C12orf71: variants seen among roughly 807,000 people sequenced by gnomAD.
The protein encoded by C12orf71 is uncharacterized protein C12orf71.
A neutral mutation model predicts 11.7 loss-of-function variants in C12orf71; 10 were observed. That is an observed-to-expected ratio of 0.86 (90% CI 0.53 to 1.45). The LOEUF is 1.45. Ranked by LOEUF, C12orf71 falls within the 40% of genes most tolerant of loss-of-function variation. The pLI, the probability that C12orf71 is intolerant of heterozygous loss-of-function variation, is 0.00. For missense variants in C12orf71, 293 were observed against 325.8 expected (o/e 0.90, Z 0.78); for synonymous variants, 110 against 123.4 (o/e 0.89, Z 0.72).
chr12:27,084,077 C>A (rs1326344090), upstream of C12orf71, among the ~76,000 whole-genome samples: 1 of 152,170 alleles, frequency 6.6e-6, no homozygotes, highest in Non-Finnish European at 1.5e-5. Flanking sequence ...CACGAGAAAT[C>A]CTTCACATCC....
Position 27,081,977 on chromosome 12 carries a change from T to A in C12orf71, c.507A>T (p.Glu169Asp). Residue 169 changes from glutamate to aspartate, a missense_variant, in exon 1 of 2, where the codon GAA becomes GAT. Transcript: ENST00000429849. ...ATTCCTGATGACTGACCTGAACCAT[T>A]TCCGGAGGGGAGCCGCTGGATAGCT... is the stretch of plus-strand genomic sequence containing the variant. The part of the protein sequence containing the change: ...DFQLSSGSPP[E>D]MVQMISQATA... The A allele has an allele frequency of 1.9e-6, 3 of 1,580,448 alleles. No individual in the cohort carries two copies. The highest frequency in any genetic ancestry group is 2.6e-6 in the Non-Finnish European group (3 of 1,161,304).
At chr12:27,082,752 A>G (rs1941948276), upstream of C12orf71, among the ~76,000 whole-genome samples, 1 of 150,006 alleles carries the variant, frequency 6.7e-6, no homozygotes, top group Admixed American at 6.7e-5. Context: ...TAATTTTTGT[A>G]TTTTTAGTAG....
At chr12:27,083,329 T>C (rs192113893), upstream of C12orf71, among the ~76,000 whole-genome samples, 43 of 152,340 alleles carry the variant, frequency 2.8e-4, no homozygotes, top group Non-Finnish European at 5.3e-4. Context: ...TAATCCTCTC[T>C]ACTAAGCATC....
upstream of C12orf71, among the ~76,000 whole-genome samples, chr12:27,083,065 C>T (rs765755683): frequency 1.1e-4 from 17 of 152,014 alleles, no homozygotes; most frequent in African/African-American, 2.2e-4. Flanking sequence ...CTCAGCCTCC[C>T]GGGTAGCTAG....
At chr12:27,082,634 A>T, upstream of C12orf71, 2 of 573,930 alleles carry the variant, frequency 3.5e-6, no homozygotes, top group Non-Finnish European at 5.4e-6. Context: ...TTTTGAGACG[A>T]AGTCTCACTC....
Position 27,081,112 on chromosome 12 carries a change from G to T in C12orf71, c.*62C>A, listed in dbSNP as rs1941927810. 2 of 1,280,418 alleles carry T rather than the reference G, an allele frequency of 1.6e-6. No individual in the cohort carries two copies. Among genetic ancestry groups the T allele is most frequent in the Admixed American group, 2.3e-5 (1 of 43,948 alleles). 79.3% of individuals were successfully genotyped at this position (1,280,418 alleles called of 1,614,324 possible). ...ATTGAGGAAAAAACAAACTGATGGG[G>T]ATTATTAATGGAATCCTTATTATGG... On this transcript the variant is annotated 3_prime_UTR_variant, in exon 2 of 2. Coordinates refer to ENST00000429849, the MANE Select transcript of C12orf71 (RefSeq NM_001080406.2).
chr12:27,082,960 A>T (rs1303706042), upstream of C12orf71, among the ~76,000 whole-genome samples: 3 of 148,518 alleles, frequency 2.0e-5, no homozygotes, highest in Admixed American at 6.7e-5. Flanking sequence ...TTTTTTTTTG[A>T]GATGGAGCCT....
chr12:27,082,580 A>C (rs1591805444), upstream of C12orf71: 3 of 906,918 alleles, frequency 3.3e-6, no homozygotes, highest in Middle Eastern at 2.4e-4. Context: ...CATAGTACTT[A>C]AGCAAAAACA....
chr12:27,083,593 G>A (rs1941954584), upstream of C12orf71, among the ~76,000 whole-genome samples: 1 of 152,056 alleles, frequency 6.6e-6, no homozygotes, highest in African/African-American at 2.4e-5. Flanking sequence ...ATACATATAT[G>A]TAAATGTGGA....
At chr12:27,081,623 T>C (rs561783667) in intron 1 of C12orf71, among the ~76,000 whole-genome samples, 156 bp from the exon 2 acceptor site, 1 of 152,350 alleles carries the variant, frequency 6.6e-6, no homozygotes, top group African/African-American at 2.4e-5. Context: ...TATACGTTTT[T>C]GGTGGGGAGG....
In C12orf71 at chr12:27,082,550, G is replaced by T; in HGVS notation, c.-67C>A. On this transcript the variant is annotated 5_prime_UTR_variant, in exon 1 of 2. Coordinates refer to ENST00000429849, the MANE Select transcript of C12orf71 (RefSeq NM_001080406.2). Reference sequence around the variant, plus strand: ...AAAAAAGAAAAAAGAAAAAATAGGTGGGACTAAGGAGAAGAGAGTCATAGT... The same window carrying T: ...AAAAAAGAAAAAAGAAAAAATAGGTTGGACTAAGGAGAAGAGAGTCATAGT... 1 of 1,286,834 alleles carries T rather than the reference G, an allele frequency of 7.8e-7. No individual in the cohort carries two copies. Among genetic ancestry groups the T allele is most frequent in the Non-Finnish European group, 1.0e-6 (1 of 966,886 alleles). The allele number at this position is 1,286,834 out of a possible 1,614,324, so 79.7% of individuals were successfully genotyped here.
Position 27,082,576 on chromosome 12 carries a change from A to T in C12orf71, c.-93T>A. The T allele has an allele frequency of 1.0e-6, 1 of 972,426 alleles. No individual in the cohort carries two copies. Among genetic ancestry groups the T allele is most frequent in the Non-Finnish European group, 1.4e-6 (1 of 707,658 alleles). 60.2% of individuals were successfully genotyped at this position (972,426 alleles called of 1,614,324 possible). On this transcript the variant is annotated 5_prime_UTR_variant, in exon 1 of 2. Transcript: ENST00000429849. ...GGACTAAGGAGAAGAGAGTCATAGT[A>T]CTTAAGCAAAAACATTATCCATTCC...
chr12:27,082,907 T>G (rs1375931188), upstream of C12orf71, among the ~76,000 whole-genome samples: 1 of 151,928 alleles, frequency 6.6e-6, no homozygotes, highest in Non-Finnish European at 1.5e-5. Context: ...AACTACCCCA[T>G]TTAGATAGAA....
intron 1 of C12orf71, 55 bp from the exon 2 acceptor site, chr12:27,081,522 T>C: frequency 6.5e-7 from 1 of 1,532,256 alleles, no homozygotes. Flanking sequence ...AACAGCCAAA[T>C]CAACGTTTAC....
In C12orf71 at chr12:27,081,093, G is replaced by C. The variant is rs377613414; in HGVS notation, c.*81C>G. The C allele has an allele frequency of 9.7e-6, 11 of 1,129,772 alleles. No homozygotes were observed. The African/African-American group carries it at 1.3e-4, about 13-fold the overall frequency. The allele number at this position is 1,129,772 out of a possible 1,614,324, so 70.0% of individuals were successfully genotyped here. A position where few individuals can be genotyped will look rare whatever the true frequency, so the allele number is the denominator to read the frequency against. ...AAGAGCATTTATTTTGTTTATTGAG[G>C]AAAAAACAAACTGATGGGGATTATT... is the stretch of plus-strand genomic sequence containing the variant. On this transcript the variant is annotated 3_prime_UTR_variant, in exon 2 of 2. Transcript: ENST00000429849.
At chr12:27,083,845 G>A (rs891575447), upstream of C12orf71, among the ~76,000 whole-genome samples, 2 of 152,180 alleles carry the variant, frequency 1.3e-5, no homozygotes, top group Non-Finnish European at 2.9e-5. Flanking sequence ...AGAAGGTTTT[G>A]GTATTTAGAT....
chr12:27,081,174 C>G lies in C12orf71; in HGVS notation c.810G>C (p.Ter270TyrextTer4). The change falls in exon 2 of 2, where the codon TAG becomes TAC. Residue 270 changes from the stop codon to tyrosine (Y), a stop_lost. Coordinates refer to ENST00000429849, the MANE Select transcript of C12orf71 (RefSeq NM_001080406.2). ...CTTTCCAAAAAGTTTAAAAATCTGTCTATATGGGATGTCCTAATTCAAGGG... is the reference window on the plus strand; with the variant it reads ...CTTTCCAAAAAGTTTAAAAATCTGTGTATATGGGATGTCCTAATTCAAGGG... ...QETLELGHPI[*>Y] The G allele has an allele frequency of 1.2e-6, 2 of 1,602,510 alleles. No individual in the cohort carries two copies. Among genetic ancestry groups the G allele is most frequent in the Non-Finnish European group, 8.5e-7 (1 of 1,172,960 alleles).
chr12:27,084,013 G>C (rs1463398291), upstream of C12orf71, among the ~76,000 whole-genome samples: 1 of 152,172 alleles, frequency 6.6e-6, no homozygotes, highest in Non-Finnish European at 1.5e-5. Flanking sequence ...ACCCTGCTCT[G>C]GTGGCTGCCC....
In C12orf71 at chr12:27,082,059, A is replaced by G; in HGVS notation, c.425T>C (p.Leu142Pro). ...NNLVQEFQIFLENLKDDDAVF... is the reference protein window; with the variant it reads ...NNLVQEFQIFPENLKDDDAVF... ...AGCGTCATCATCTTTCAGATTTTCT[A>G]GAAATATCTGAAACTCTTGCACAAG... is the stretch of plus-strand genomic sequence containing the variant. Residue 142 changes from leucine (L) to proline (P), a missense_variant, in exon 1 of 2, where the codon CTA becomes CCA. Transcript: ENST00000429849. 1.2e-6 allele frequency: 2 copies of G among 1,604,572 alleles called. No homozygotes were observed. The highest frequency in any genetic ancestry group is 1.1e-5 in the South Asian group (1 of 89,628).
Sources: allele counts gnomAD v4.1 joint callset (sites outside exome capture counted in the v4.1 genomes callset), GRCh38; gene constraint gnomAD v4.1.1; transcripts MANE v1.5; gene names NCBI Gene and HGNC (gene_info 2026-07-23, HGNC 2026-07-21).